Variants in PGM5 observed in about 807,000 individuals in gnomAD.
PGM5 encodes phosphoglucomutase-like protein 5.
PGM5 carries 23 observed loss-of-function variants against 59.2 expected under a neutral mutation model. The observed-to-expected ratio is 0.39, with a 90% CI of 0.28 to 0.55. PGM5 has a LOEUF of 0.55. Among genes scored for constraint, PGM5 ranks in the 20% least tolerant of loss-of-function variants. The pLI, the probability that PGM5 is intolerant of heterozygous loss-of-function variation, is 0.66. For synonymous variants in PGM5, 214 were observed against 286.0 expected (o/e 0.75, Z 2.54); for missense variants, 574 against 748.3 (o/e 0.77, Z 2.72).
At chr9:68,518,803 A>G (rs1824858214) in intron 10 of PGM5, among the ~76,000 whole-genome samples, 1 of 152,246 alleles carries the variant, frequency 6.6e-6, no homozygotes, top group South Asian at 2.1e-4. Context: ...CACAAAGGAT[A>G]CAGTGAGAAG....
chr9:68,456,442 C>T (rs1564010321), intron 6 of PGM5, among the ~76,000 whole-genome samples: 1 of 151,194 alleles, frequency 6.6e-6, no homozygotes, highest in Non-Finnish European at 1.5e-5. Flanking sequence ...TCCCGAGTAG[C>T]TGGGACTACA....
intron 6 of PGM5, among the ~76,000 whole-genome samples, chr9:68,408,631 A>G (rs1252154931): frequency 6.6e-6 from 1 of 152,144 alleles, no homozygotes; most frequent in Non-Finnish European, 1.5e-5. Flanking sequence ...TTGGTGTTTT[A>G]GACATGAAGT....
At chr9:68,464,181 A>G (rs1823898081) in intron 6 of PGM5, among the ~76,000 whole-genome samples, 1 of 152,182 alleles carries the variant, frequency 6.6e-6, no homozygotes, top group African/African-American at 2.4e-5. Context: ...TACTTGTAAA[A>G]TCTTATATAT....
At chr9:68,458,734 A>G (rs1169935629) in intron 6 of PGM5, among the ~76,000 whole-genome samples, 1 of 152,024 alleles carries the variant, frequency 6.6e-6, no homozygotes, top group African/African-American at 2.4e-5. Flanking sequence ...TGGTTGAAAA[A>G]CTTTTGTAGT....
intron 6 of PGM5, chr9:68,394,278 A>T (rs1462125764): frequency 6.6e-6 from 1 of 152,126 alleles, no homozygotes; most frequent in African/African-American, 2.4e-5. Context: ...CCATGAAAAA[A>T]TAGCCACAAA....
intron 6 of PGM5, among the ~76,000 whole-genome samples, chr9:68,457,299 G>C (rs1015599095): frequency 2.0e-5 from 3 of 152,026 alleles, no homozygotes; most frequent in East Asian, 3.8e-4. Context: ...ATAGAACATG[G>C]GACAGACAGT....
At chr9:68,492,419 G>A (rs190209093) in intron 9 of PGM5, among the ~76,000 whole-genome samples, 53 of 152,278 alleles carry the variant, frequency 3.5e-4, no homozygotes, top group East Asian at 1.4e-3. Flanking sequence ...TTAAAAGAGC[G>A]TGTAAGGAGT....
intron 6 of PGM5, among the ~76,000 whole-genome samples, chr9:68,441,613 G>A (rs1823529835): frequency 6.6e-6 from 1 of 152,008 alleles, no homozygotes; most frequent in African/African-American, 2.4e-5. Flanking sequence ...AACAAATAAA[G>A]AGCATCTACA....
At chr9:68,522,242 C>A (rs1824909579) in intron 10 of PGM5, among the ~76,000 whole-genome samples, 1 of 152,190 alleles carries the variant, frequency 6.6e-6, no homozygotes, top group African/African-American at 2.4e-5. Flanking sequence ...ATGAACAAGT[C>A]TCTTGTAAAA....
At chr9:68,458,051 A>C (rs1305408717) in intron 6 of PGM5, among the ~76,000 whole-genome samples, 2 of 152,210 alleles carry the variant, frequency 1.3e-5, no homozygotes, top group Non-Finnish European at 2.9e-5. Flanking sequence ...AGAGCCAGGA[A>C]CAGCTTACAT....
At chr9:68,439,426 A>G (rs1459218971) in intron 6 of PGM5, among the ~76,000 whole-genome samples, 1 of 146,296 alleles carries the variant, frequency 6.8e-6, no homozygotes, top group East Asian at 1.9e-4. Context: ...TATATAATAT[A>G]ATATATAAAT....
chr9:68,473,334 G>A (rs1554686404), intron 7 of PGM5, among the ~76,000 whole-genome samples: 1 of 152,188 alleles, frequency 6.6e-6, no homozygotes. Flanking sequence ...CCTTTAGAAA[G>A]CCTGCCCCAG....
chr9:68,371,912 A>G (rs1587772916), intron 1 of PGM5, among the ~76,000 whole-genome samples: 1 of 152,318 alleles, frequency 6.6e-6, no homozygotes, highest in East Asian at 1.9e-4. Flanking sequence ...GCTCGGAAAT[A>G]TGTGGAGGCA....
chr9:68,520,072 A>G (rs868749825), intron 10 of PGM5, among the ~76,000 whole-genome samples: 2 of 137,146 alleles, frequency 1.5e-5, no homozygotes, highest in African/African-American at 5.2e-5. Flanking sequence ...CTTGAGTGAC[A>G]GAGTGAGACC....
At chr9:68,425,316 C>A (rs944047543) in intron 6 of PGM5, among the ~76,000 whole-genome samples, 3 of 152,266 alleles carry the variant, frequency 2.0e-5, no homozygotes, top group Admixed American at 2.0e-4. Context: ...GCAGGCAGGG[C>A]CCACAGTGAA....
chr9:68,455,361 A>G lies in PGM5; in HGVS notation c.1044-9732A>G, dbSNP rs534424500. On this transcript the variant is annotated intron_variant, in intron 6 of 10. Coordinates refer to ENST00000396396, the MANE Select transcript of PGM5 (RefSeq NM_021965.4). ...GAGATATTAATCTATTGTCCAAAAA[A>G]CAGGAACTCCCTAAAGAGAGCCAAA... Among the ~76,000 whole-genome samples the G allele has an allele frequency of 5.6e-4, 86 of 152,332 alleles. No homozygotes were observed. In the South Asian group the frequency reaches 0.017, roughly 29 times the overall value.
intron 6 of PGM5, among the ~76,000 whole-genome samples, chr9:68,455,118 T>A (rs1564009962): frequency 6.6e-6 from 1 of 152,230 alleles, no homozygotes; most frequent in Non-Finnish European, 1.5e-5. Flanking sequence ...GCCTGTGACC[T>A]GATTTGGCTT....
chr9:68,439,687 G>GCA (rs1299927218), intron 6 of PGM5, among the ~76,000 whole-genome samples: 8 of 146,678 alleles, frequency 5.5e-5, no homozygotes, highest in African/African-American at 1.8e-4. Context: ...TAATACACAT[G>GCA]CACACATATA....
intron 3 of PGM5, among the ~76,000 whole-genome samples, chr9:68,387,252 T>C (rs1409114735): frequency 1.3e-5 from 2 of 152,068 alleles, no homozygotes; most frequent in Non-Finnish European, 2.9e-5. Flanking sequence ...TTTATACCCA[T>C]TGAGCACCTG....
Sources: allele counts gnomAD v4.1 joint callset (sites outside exome capture counted in the v4.1 genomes callset), GRCh38; gene constraint gnomAD v4.1.1; transcripts MANE v1.5; gene names NCBI Gene and HGNC (gene_info 2026-07-23, HGNC 2026-07-21).